The following AUTS2 variants were observed in gnomAD, a reference collection of about 807,000 sequenced individuals.
AUTS2 encodes autism susceptibility gene 2 protein.
AUTS2 carries 17 observed loss-of-function variants against 112.4 expected under a neutral mutation model. That is an observed-to-expected ratio of 0.15 (90% CI 0.10 to 0.23). AUTS2 has a LOEUF of 0.23. Ranked by LOEUF, AUTS2 falls within the 10% of genes least tolerant of loss-of-function variation. The pLI is 1.00. For synonymous variants in AUTS2, 751 were observed against 702.7 expected, an observed-to-expected ratio of 1.07 and a Z score of -1.09; for missense variants, 1,510 against 1,701.6, an observed-to-expected ratio of 0.89 and a Z score of 1.98.
chr7:70,496,330 GCA>G (rs1798502178), intron 5 of AUTS2, among the ~76,000 whole-genome samples: 1 of 11,706 alleles, frequency 8.5e-5, no homozygotes, highest in Non-Finnish European at 1.5e-4. Flanking sequence ...TCACACACAC[GCA>G]CACCCCACAC....
chr7:70,720,163 G>A lies in AUTS2; in HGVS notation c.742+21543G>A, dbSNP rs528837478. Among the ~76,000 whole-genome samples the A allele has an allele frequency of 1.7e-4, 26 of 150,718 alleles. No individual in the cohort carries two copies. The South Asian group carries it at 3.8e-3, about 22-fold the overall frequency. On this transcript the variant is annotated intron_variant, in intron 6 of 18. Coordinates refer to ENST00000342771, the MANE Select transcript of AUTS2 (RefSeq NM_015570.4). ...CGGAGTTTATTATTTAGGCAGATCC[G>A]AAGATCAACACGAAGTCTTTTTGTT... is the stretch of plus-strand genomic sequence containing the variant.
At chr7:69,876,583 C>T (rs996783670) in intron 1 of AUTS2, among the ~76,000 whole-genome samples, 7 of 117,672 alleles carry the variant, frequency 5.9e-5, no homozygotes, top group African/African-American at 2.0e-4. Context: ...TTGAGAGCTA[C>T]CAAGGACCAG....
chr7:69,714,899 C>T (rs1478555875), intron 1 of AUTS2, among the ~76,000 whole-genome samples: 4 of 151,994 alleles, frequency 2.6e-5, no homozygotes, highest in Middle Eastern at 3.4e-3. Context: ...CAGTATTCAG[C>T]ATACTTTATA....
At chr7:69,811,146 G>T (rs1435419931) in intron 1 of AUTS2, among the ~76,000 whole-genome samples, 1 of 152,052 alleles carries the variant, frequency 6.6e-6, no homozygotes, top group East Asian at 1.9e-4. Flanking sequence ...CCGTTGACTG[G>T]GTTACCTTCA....
At chr7:70,349,942 C>G (rs1791673219) in intron 4 of AUTS2, among the ~76,000 whole-genome samples, 1 of 152,160 alleles carries the variant, frequency 6.6e-6, no homozygotes, top group Non-Finnish European at 1.5e-5. Flanking sequence ...GAAATAGTAT[C>G]AAGAACTGGG....
At chr7:70,323,881 A>G (rs1169864378) in intron 4 of AUTS2, among the ~76,000 whole-genome samples, 2 of 152,188 alleles carry the variant, frequency 1.3e-5, no homozygotes, top group Non-Finnish European at 2.9e-5. Flanking sequence ...CATTTTCCCC[A>G]TTAAATATAG....
intron 6 of AUTS2, among the ~76,000 whole-genome samples, chr7:70,737,628 C>T (rs573045536): frequency 1.0e-3 from 152 of 152,304 alleles, no homozygotes; most frequent in Non-Finnish European, 1.7e-3. Context: ...CTTAAACTCA[C>T]GGACCACAGT....
chr7:70,457,071 T>C (rs1187866580), intron 5 of AUTS2, among the ~76,000 whole-genome samples: 3 of 152,230 alleles, frequency 2.0e-5, no homozygotes, highest in African/African-American at 7.2e-5. Flanking sequence ...ACAGAGTGTG[T>C]GTGAGATACT....
At chr7:70,627,753 A>G (rs1805025827) in intron 5 of AUTS2, among the ~76,000 whole-genome samples, 1 of 152,258 alleles carries the variant, frequency 6.6e-6, no homozygotes, top group Admixed American at 6.5e-5. Flanking sequence ...CTTTGTTCTC[A>G]GAATGGCTTA....
intron 1 of AUTS2, among the ~76,000 whole-genome samples, chr7:69,662,077 C>A (rs757529582): frequency 6.6e-6 from 1 of 152,040 alleles, no homozygotes; most frequent in South Asian, 2.1e-4. Flanking sequence ...CCTCTCCCAC[C>A]GCCCATGTAT....
chr7:70,575,108 T>G (rs1439055218), intron 5 of AUTS2, among the ~76,000 whole-genome samples: 1 of 152,218 alleles, frequency 6.6e-6, no homozygotes, highest in Non-Finnish European at 1.5e-5. Flanking sequence ...CAGCGAAGGC[T>G]TTATTAAAAC....
intron 2 of AUTS2, among the ~76,000 whole-genome samples, chr7:69,976,617 C>T (rs952619558): frequency 6.6e-6 from 1 of 152,210 alleles, no homozygotes; most frequent in Non-Finnish European, 1.5e-5. Flanking sequence ...AATTTCTCCA[C>T]ATCCTCTTCA....
In AUTS2 at chr7:70,659,233, A is replaced by T. The variant is rs150941157; in HGVS notation, c.691-39336A>T. Among the ~76,000 whole-genome samples the T allele has an allele frequency of 1.2e-3, 179 of 152,300 alleles. 1 individual carries two copies. The highest frequency in any genetic ancestry group is 3.4e-3 in the Middle Eastern group (1 of 294). On this transcript the variant is annotated intron_variant, in intron 5 of 18. Transcript: ENST00000342771. ...TCTGAATTCCCGCGGCCCTTGCAGG[A>T]TATCACGCCCACGACTGGCGGTCCT... is the stretch of plus-strand genomic sequence containing the variant.
rs531885660 is a variant in AUTS2 at position 70,780,283 on chromosome 7, G to A, written c.2005-1332G>A. Among the ~76,000 whole-genome samples the A allele has an allele frequency of 2.2e-4, 34 of 152,244 alleles. No homozygotes were observed. In the South Asian group the frequency reaches 6.6e-3, roughly 30 times the overall value. ...CTCCAGCCTAGAGAAGGATGCCAGG[G>A]GAAAAGATTGAGAGGAAGATTAAGA... On this transcript the variant is annotated intron_variant, in intron 14 of 18. Coordinates refer to ENST00000342771, the MANE Select transcript of AUTS2 (RefSeq NM_015570.4).
At chr7:70,647,131 G>T (rs966905971) in intron 5 of AUTS2, among the ~76,000 whole-genome samples, 2 of 152,202 alleles carry the variant, frequency 1.3e-5, no homozygotes, top group African/African-American at 4.8e-5. Flanking sequence ...GTTGACTTGT[G>T]TTCCATGTTG....
intron 2 of AUTS2, among the ~76,000 whole-genome samples, chr7:69,957,756 A>G (rs1345992992): frequency 1.3e-5 from 2 of 152,116 alleles, no homozygotes; most frequent in African/African-American, 2.4e-5. Flanking sequence ...TTTGTGTACA[A>G]ATTAGATAAC....
chr7:69,687,816 A>G (rs1221041108), intron 1 of AUTS2, among the ~76,000 whole-genome samples: 4 of 152,156 alleles, frequency 2.6e-5, no homozygotes, highest in Non-Finnish European at 5.9e-5. Flanking sequence ...ATCAACAGCT[A>G]TGTGTGAATA....
At chr7:70,230,707 G>A (rs762840084) in intron 4 of AUTS2, among the ~76,000 whole-genome samples, 7 of 152,174 alleles carry the variant, frequency 4.6e-5, no homozygotes, top group Non-Finnish European at 7.4e-5. Context: ...AAGTAGGATC[G>A]CATCAATGCC....
rs1797063893 is a variant in AUTS2 at position 70,463,703 on chromosome 7, C to A, written c.690+27922C>A. 2.0e-5 allele frequency among the ~76,000 whole-genome samples: 3 copies of A among 152,222 alleles called. No homozygotes were observed. The South Asian group carries it at 6.2e-4, about 32-fold the overall frequency. On this transcript the variant is annotated intron_variant, in intron 5 of 18. Coordinates refer to ENST00000342771, the MANE Select transcript of AUTS2 (RefSeq NM_015570.4). ...CTTTGGTAGATTGAGCATGGCCTTG[C>A]ACTGCATGGAGCACACCTCCCACCT...
Sources: gnomAD v4.1 joint callset for allele counts (sites outside exome capture counted in the v4.1 genomes callset) on GRCh38, gnomAD v4.1.1 for gene constraint, MANE v1.5 for transcripts, NCBI Gene and HGNC (gene_info 2026-07-23, HGNC 2026-07-21) for gene names.